PHKB: variants seen among roughly 807,000 people sequenced by gnomAD.
PHKB encodes the protein phosphorylase b kinase regulatory subunit beta.
PHKB carries 122 observed loss-of-function variants against 152.1 expected under a neutral mutation model. That is an observed-to-expected ratio of 0.80 (90% CI 0.69 to 0.93). The LOEUF is 0.93. Among genes scored for constraint, PHKB ranks in the 40% least tolerant of loss-of-function variants. The pLI is 0.00. For missense variants in PHKB, 1,304 were observed against 1,328.4 expected, an observed-to-expected ratio of 0.98 and a Z score of 0.29; for synonymous variants, 436 against 464.9, an observed-to-expected ratio of 0.94 and a Z score of 0.80.
intron 26 of PHKB, among the ~76,000 whole-genome samples, chr16:47,687,076 T>G (rs79705023): frequency 0.022 from 3,288 of 152,276 alleles, 127 homozygotes; most frequent in African/African-American, 0.075. Flanking sequence ...TTCATTCCAT[T>G]GACTTATTGA....
rs909758352 is a variant in PHKB at position 47,544,869 on chromosome 16, A to G, written c.595-2564A>G. 1.3e-4 allele frequency among the ~76,000 whole-genome samples: 20 copies of G among 151,920 alleles called. 1 individual carries two copies. In the Middle Eastern group the frequency reaches 0.01, roughly 78 times the overall value. ...GTAATGGCCTTCTTTGTCTCTTTTG[A>G]TCTTTGTTGGTTTAAAGTCTGTTTT... On this transcript the variant is annotated intron_variant, in intron 6 of 30. Transcript: ENST00000323584.
intron 7 of PHKB, among the ~76,000 whole-genome samples, chr16:47,571,613 A>C (rs1971660177): frequency 6.6e-6 from 1 of 152,106 alleles, no homozygotes; most frequent in African/African-American, 2.4e-5. Context: ...CACTCCTCCC[A>C]AGGCGATGCA....
chr16:47,699,590 C>A lies in PHKB; in HGVS notation c.*224C>A. 1.7e-6 allele frequency: 1 copy of A among 590,150 alleles called. No individual in the cohort carries two copies. The highest frequency in any genetic ancestry group is 3.1e-6 in the Non-Finnish European group (1 of 326,724). The allele number at this position is 590,150 out of a possible 1,614,324, so 36.6% of individuals were successfully genotyped here. ...GAAAAAGTTCTCATGATTATGCCAA[C>A]TATAATAGTAATCCTCACTGAGTGA... On this transcript the variant is annotated 3_prime_UTR_variant, in exon 31 of 31. Transcript: ENST00000323584.
chr16:47,681,388 T>C lies in PHKB; in HGVS notation c.2631-7653T>C, dbSNP rs561633728. ...AGTGGGGTGTTAAAGTCTCCCATTT[T>C]TACTGTGTGGGAGTCTAAGTCTCTT... On this transcript the variant is annotated intron_variant, in intron 26 of 30. Coordinates refer to ENST00000323584, the MANE Select transcript of PHKB (RefSeq NM_000293.3). 1.3e-4 allele frequency among the ~76,000 whole-genome samples: 20 copies of C among 148,592 alleles called. 1 individual carries two copies. The highest frequency in any genetic ancestry group is 3.2e-3 in the Middle Eastern group (1 of 314).
At chr16:47,680,786 T>C (rs1225791833) in intron 26 of PHKB, among the ~76,000 whole-genome samples, 1 of 152,160 alleles carries the variant, frequency 6.6e-6, no homozygotes, top group Non-Finnish European at 1.5e-5. Context: ...CTGCACTGAT[T>C]TTAGTCATTT....
chr16:47,588,657 A>T (rs1971975368), intron 9 of PHKB, among the ~76,000 whole-genome samples: 1 of 152,182 alleles, frequency 6.6e-6, no homozygotes, highest in African/African-American at 2.4e-5. Flanking sequence ...ATTTTTGCGC[A>T]CCATTTTAAT....
chr16:47,534,404 A>G (rs1323394678), intron 6 of PHKB, among the ~76,000 whole-genome samples: 2 of 152,204 alleles, frequency 1.3e-5, no homozygotes, highest in African/African-American at 4.8e-5. Context: ...TATATGTACC[A>G]TGATGTCAAA....
At chr16:47,575,782 C>T (rs1300117319) in intron 7 of PHKB, among the ~76,000 whole-genome samples, 1 of 152,046 alleles carries the variant, frequency 6.6e-6, no homozygotes, top group East Asian at 1.9e-4. Context: ...GCAATGGTTA[C>T]ACTAAAAGCC....
intron 7 of PHKB, chr16:47,565,123 A>T: frequency 1.9e-6 from 1 of 517,492 alleles, no homozygotes; most frequent in Non-Finnish European, 3.8e-6. Flanking sequence ...TTTCACCATC[A>T]ACGGAGACAG....
chr16:47,641,062 C>T lies in PHKB; in HGVS notation c.1486C>T (p.His496Tyr), dbSNP rs1973010526. The T allele has an allele frequency of 1.9e-6, 3 of 1,613,764 alleles. No individual in the cohort carries two copies. Among genetic ancestry groups the T allele is most frequent in the Non-Finnish European group, 2.5e-6 (3 of 1,179,954 alleles). The change falls in exon 15 of 31, where the codon CAT (histidine) becomes TAT (tyrosine). Residue 496 changes from histidine (H) to tyrosine (Y), a missense_variant. Coordinates refer to ENST00000323584, the MANE Select transcript of PHKB (RefSeq NM_000293.3). ...QGPLENDLVV[H>Y]VALIAESQRL... ...CCCACTGGAAAATGACTTGGTAGTT[C>T]ATGTGGCACTTATAGCAGAAAGCCA...
intron 7 of PHKB, among the ~76,000 whole-genome samples, chr16:47,568,896 G>T (rs1971612073): frequency 6.6e-6 from 1 of 152,148 alleles, no homozygotes; most frequent in Admixed American, 6.5e-5. Flanking sequence ...TACTTGGTAT[G>T]ATTTTGATTT....
intron 4 of PHKB, 26 bp from the exon 5 acceptor site, chr16:47,511,639 T>G: frequency 7.1e-7 from 1 of 1,417,094 alleles, no homozygotes; most frequent in Non-Finnish European, 1.0e-6. Flanking sequence ...ATTACTAATG[T>G]TGTTTAATTT....
chr16:47,607,255 C>T (rs1403839146), intron 13 of PHKB, among the ~76,000 whole-genome samples: 1 of 152,038 alleles, frequency 6.6e-6, no homozygotes, highest in African/African-American at 2.4e-5. Context: ...CCATCACTGC[C>T]ATCAGTTTTA....
In PHKB at chr16:47,542,401, A is replaced by G. The variant is rs182745294; in HGVS notation, c.595-5032A>G. ...AGTACCATGCTGTTTTGGTTATTGT[A>G]GCCTTGTAGTATAGTTTGAAGTCAG... is the stretch of plus-strand genomic sequence containing the variant. On this transcript the variant is annotated intron_variant, in intron 6 of 30. Transcript: ENST00000323584. Among the ~76,000 whole-genome samples the G allele has an allele frequency of 3.6e-3, 555 of 152,194 alleles. 5 individuals are homozygous for G. The highest frequency in any genetic ancestry group is 0.013 in the African/African-American group (525 of 41,516).
intron 7 of PHKB, among the ~76,000 whole-genome samples, chr16:47,559,827 GGGA>G (rs1389829673): frequency 6.6e-6 from 1 of 152,182 alleles, no homozygotes; most frequent in Non-Finnish European, 1.5e-5. Context: ...TCTCTTGATG[GGGA>G]GGAGTGTCAA....
intron 13 of PHKB, among the ~76,000 whole-genome samples, chr16:47,602,338 A>G (rs1239776269): frequency 6.6e-6 from 1 of 152,206 alleles, no homozygotes; most frequent in East Asian, 1.9e-4. Flanking sequence ...AAAGTGTTAT[A>G]TATATACGAA....
rs748262135 is a variant in PHKB, at chr16:47,689,135, C to T, written c.2725C>T (p.Gln909Ter). 10 of 1,614,078 alleles carry T rather than the reference C, an allele frequency of 6.2e-6. No individual in the cohort carries two copies. The highest frequency in any genetic ancestry group is 8.5e-6 in the Non-Finnish European group (10 of 1,179,960). Residue 909 changes from glutamine (Q) to a stop codon, truncating the protein, a stop_gained, in exon 27 of 31, where the codon CAG becomes TAG. Coordinates refer to ENST00000323584, the MANE Select transcript of PHKB (RefSeq NM_000293.3). LOFTEE classifies it high-confidence loss of function. Reference sequence around the variant, plus strand: ...TCAGCTGTCACCTAGTGAAGTTAAACAGCTTCTGCTGGATATTCTGCAGCC... The same window carrying T: ...TCAGCTGTCACCTAGTGAAGTTAAATAGCTTCTGCTGGATATTCTGCAGCC... ...LYQLSPSEVK[Q>*]LLLDILQPQQ...
chr16:47,538,824 T>G (rs1263194193), intron 6 of PHKB, among the ~76,000 whole-genome samples: 2 of 152,230 alleles, frequency 1.3e-5, no homozygotes, highest in Non-Finnish European at 2.9e-5. Context: ...TCCTGTAGTT[T>G]CTGAAAGTTT....
At chr16:47,642,165 G>A (rs974200419) in intron 16 of PHKB, among the ~76,000 whole-genome samples, 8 of 151,222 alleles carry the variant, frequency 5.3e-5, no homozygotes, top group Non-Finnish European at 8.8e-5. Context: ...TAAAAAAAAC[G>A]TACTCATACC....
Sources: allele counts gnomAD v4.1 joint callset (sites outside exome capture counted in the v4.1 genomes callset), GRCh38; gene constraint gnomAD v4.1.1; transcripts MANE v1.5; gene names NCBI Gene and HGNC (gene_info 2026-07-23, HGNC 2026-07-21).